The following SLC15A5 variants were observed in gnomAD, a reference collection of about 807,000 sequenced individuals.
The protein encoded by SLC15A5 is solute carrier family 15 member 5, also known as Peptide/histidine transporter ENSP00000340402.
SLC15A5 carries 58 observed loss-of-function variants against 56.1 expected under a neutral mutation model. The ratio of observed to expected loss-of-function variants is 1.03; its 90% CI spans 0.84 to 1.29. The LOEUF (loss-of-function observed/expected upper bound fraction) is 1.29, where lower values mean the gene tolerates loss of function less well. SLC15A5 is among the 50% of genes most tolerant of loss of function. The pLI is 0.00. For synonymous variants in SLC15A5, 264 were observed against 250.5 expected (o/e 1.05, Z -0.51); for missense variants, 681 against 672.1 (o/e 1.01, Z -0.15).
intron 6 of SLC15A5, among the ~76,000 whole-genome samples, chr12:16,219,909 G>A (rs1023392501): frequency 1.9e-4 from 29 of 152,144 alleles, no homozygotes; most frequent in African/African-American, 6.5e-4. Flanking sequence ...GCCAATGAGC[G>A]CTAAAAATGT....
chr12:16,228,752 A>G lies in SLC15A5; in HGVS notation c.1163-4150T>C, dbSNP rs530878618. On this transcript the variant is annotated intron_variant, in intron 5 of 8. Coordinates refer to ENST00000344941, the MANE Select transcript of SLC15A5 (RefSeq NM_001170798.1). ...AGAGTAAATATATTTTCTCTTCTAT[A>G]TGATTTTCTTAATAACATTTCCTTC... Among the ~76,000 whole-genome samples the G allele has an allele frequency of 3.3e-5, 5 of 152,318 alleles. No homozygotes were observed. In the East Asian group the frequency reaches 9.6e-4, roughly 29 times the overall value.
At chr12:16,263,168 A>G (rs896176866) in intron 2 of SLC15A5, among the ~76,000 whole-genome samples, 32 of 152,174 alleles carry the variant, frequency 2.1e-4, no homozygotes, top group Non-Finnish European at 4.3e-4. Context: ...GACTTGTTGA[A>G]TGGCTTTGAC....
intron 3 of SLC15A5, among the ~76,000 whole-genome samples, chr12:16,254,415 A>G (rs912231786): frequency 6.6e-6 from 1 of 152,166 alleles, no homozygotes; most frequent in African/African-American, 2.4e-5. Context: ...GCATAACAAT[A>G]TGAATATACT....
chr12:16,233,066 T>C (rs962121383), intron 5 of SLC15A5, among the ~76,000 whole-genome samples: 5 of 152,186 alleles, frequency 3.3e-5, no homozygotes, highest in African/African-American at 1.2e-4. Context: ...GTTGCTTTCT[T>C]TGGTTTTCTT....
chr12:16,265,475 C>T (rs1020307615), intron 2 of SLC15A5, among the ~76,000 whole-genome samples: 5 of 152,042 alleles, frequency 3.3e-5, no homozygotes, highest in African/African-American at 7.3e-5. Flanking sequence ...CTTGTTCTCT[C>T]CTGTAAACTT....
At chr12:16,274,623 T>A (rs180671154) in intron 1 of SLC15A5, among the ~76,000 whole-genome samples, 1 of 152,194 alleles carries the variant, frequency 6.6e-6, no homozygotes, top group East Asian at 1.9e-4. Flanking sequence ...GTTTGAAATG[T>A]TCCCTTTTAA....
At chr12:16,213,947 C>A (rs906765844) in intron 7 of SLC15A5, among the ~76,000 whole-genome samples, 1 of 152,144 alleles carries the variant, frequency 6.6e-6, no homozygotes, top group African/African-American at 2.4e-5. Flanking sequence ...GGTTATATTG[C>A]AAAAGTAACA....
chr12:16,213,076 G>T (rs1864098560), intron 7 of SLC15A5, among the ~76,000 whole-genome samples: 1 of 152,088 alleles, frequency 6.6e-6, no homozygotes, highest in Non-Finnish European at 1.5e-5. Context: ...TGTCCTGATT[G>T]TACCCATTTT....
chr12:16,210,766 C>T (rs577093499), intron 7 of SLC15A5, among the ~76,000 whole-genome samples: 6 of 152,300 alleles, frequency 3.9e-5, no homozygotes, highest in Non-Finnish European at 8.8e-5. Context: ...TTCTACCTCT[C>T]GTGAGCCAAT....
chr12:16,194,301 T>G (rs1001147679), intron 8 of SLC15A5, 44 bp downstream of exon 8: 2 of 1,312,774 alleles, frequency 1.5e-6, no homozygotes, highest in African/African-American at 1.5e-5. Context: ...AGACCAATAT[T>G]TCATGGACTC....
rs1192796973 is a variant in SLC15A5, at chr12:16,244,769, C to T, written c.786G>A (p.Leu262=). ...RCSLLTGVGV[L]VSALKTCHPQ... The stretch of plus-strand genomic sequence containing the variant: ...GGTGGCATGTTTTCAGTGCACTAAC[C>T]AACACCCCAACGCCTGTCAGGAGAG... Residue 262 remains leucine, a synonymous_variant, in exon 4 of 9, where the codon TTG becomes TTA. Coordinates refer to ENST00000344941, the MANE Select transcript of SLC15A5 (RefSeq NM_001170798.1). 1 of 1,537,738 alleles carries T rather than the reference C, an allele frequency of 6.5e-7. No homozygotes were observed. The highest frequency in any genetic ancestry group is 2.0e-5 in the Admixed American group (1 of 51,002).
chr12:16,249,537 C>T (rs548467440), intron 3 of SLC15A5, among the ~76,000 whole-genome samples: 1 of 152,106 alleles, frequency 6.6e-6, no homozygotes, highest in African/African-American at 2.4e-5. Context: ...CTAATTGTTC[C>T]TGTAGCTAAT....
At chr12:16,214,351 C>G (rs1324895354) in intron 7 of SLC15A5, among the ~76,000 whole-genome samples, 1 of 152,158 alleles carries the variant, frequency 6.6e-6, no homozygotes, top group Non-Finnish European at 1.5e-5. Context: ...GGGTGGGACC[C>G]TCAGTCCCCA....
chr12:16,219,513 T>C (rs1864165413), intron 6 of SLC15A5, among the ~76,000 whole-genome samples: 1 of 152,220 alleles, frequency 6.6e-6, no homozygotes, highest in African/African-American at 2.4e-5. Context: ...ATTATTACTC[T>C]GCTAGTTAAT....
intron 7 of SLC15A5, among the ~76,000 whole-genome samples, chr12:16,197,005 G>C (rs1393244397): frequency 6.6e-6 from 1 of 151,620 alleles, no homozygotes; most frequent in East Asian, 1.9e-4. Flanking sequence ...AGGAGAGAAG[G>C]ACATTTGTAC....
chr12:16,213,901 A>G (rs1864106675), intron 7 of SLC15A5, among the ~76,000 whole-genome samples: 1 of 152,158 alleles, frequency 6.6e-6, no homozygotes. Context: ...CTGTATCTAG[A>G]ATATTATCAA....
At chr12:16,260,152 A>G (rs534541176) in intron 2 of SLC15A5, among the ~76,000 whole-genome samples, 21 of 152,306 alleles carry the variant, frequency 1.4e-4, no homozygotes, top group Admixed American at 1.3e-3. Context: ...ATTTTCTGCT[A>G]TATTAGTCTA....
intron 1 of SLC15A5, among the ~76,000 whole-genome samples, chr12:16,274,980 G>C (rs1041296030): frequency 6.6e-6 from 1 of 152,042 alleles, no homozygotes; most frequent in Non-Finnish European, 1.5e-5. Context: ...CTCATCATCA[G>C]TATGCCTGCA....
chr12:16,201,703 C>A (rs902413497), intron 7 of SLC15A5, among the ~76,000 whole-genome samples: 1 of 152,120 alleles, frequency 6.6e-6, no homozygotes. Context: ...GAAGAAGGTG[C>A]CTTGCTTCCC....
Sources: allele counts gnomAD v4.1 joint callset (sites outside exome capture counted in the v4.1 genomes callset), GRCh38; gene constraint gnomAD v4.1.1; transcripts MANE v1.5; gene names NCBI Gene and HGNC (gene_info 2026-07-23, HGNC 2026-07-21).